VASP: variants seen among roughly 807,000 people sequenced by gnomAD.
VASP encodes the protein vasodilator stimulated phosphoprotein.
VASP carries 27 observed loss-of-function variants against 54.4 expected under a neutral mutation model. That is an observed-to-expected ratio of 0.50 (90% CI 0.37 to 0.68). The LOEUF (loss-of-function observed/expected upper bound fraction) is 0.68, where lower values mean the gene tolerates loss of function less well. Ranked by LOEUF, VASP falls within the 30% of genes least tolerant of loss-of-function variation. The pLI is 0.00. For missense variants in VASP, 488 were observed against 528.3 expected (o/e 0.92, Z 0.75); for synonymous variants, 233 against 209.8 (o/e 1.11, Z -0.96).
rs774254232 is a variant in VASP at position 45,521,361 on chromosome 19, C to G, written c.383C>G (p.Ser128Trp). The G allele has an allele frequency of 2.1e-5, 33 of 1,581,256 alleles. No individual in the cohort carries two copies. Among genetic ancestry groups the G allele is most frequent in the Non-Finnish European group, 2.6e-5 (30 of 1,163,776 alleles). ...CCACCCCCAGCACTTCCCACCTGGTCGGTCCCGAACGGCCCCTCCCCGGAG... is the reference window on the plus strand; with the variant it reads ...CCACCCCCAGCACTTCCCACCTGGTGGGTCCCGAACGGCCCCTCCCCGGAG... Reference protein sequence around the residue: ...PPPPPALPTWSVPNGPSPEEV... With the variant: ...PPPPPALPTWWVPNGPSPEEV... Residue 128 changes from serine (S) to tryptophan (W), a missense_variant, in exon 4 of 13, where the codon TCG becomes TGG. Around this residue, in one of 4 missense-constraint regions of VASP, gnomAD observed 226 missense variants for 196.0 expected, o/e 1.15. Transcript: ENST00000245932.
chr19:45,509,810 A>T (rs942643583), intron 1 of VASP, among the ~76,000 whole-genome samples: 3 of 152,210 alleles, frequency 2.0e-5, no homozygotes, highest in African/African-American at 7.2e-5. Flanking sequence ...GCTCAAAGAG[A>T]AAAAGACATG....
rs180948966 is a variant in VASP, at chr19:45,522,177, C to T, written c.438C>T (p.Pro146=). ...TCGCCTCCCCCCACAGGCAGCAGCC[C>T]GGCCCGTCGGAGCACATAGAGCGCC... ...EEVEQQKRQQ[P]GPSEHIERRV... The change falls in exon 5 of 13, where the codon CCC becomes CCT. Residue 146 remains proline (P), a synonymous_variant. Transcript: ENST00000245932. The T allele has an allele frequency of 1.2e-4, 195 of 1,613,966 alleles. No individual in the cohort carries two copies. Among genetic ancestry groups the T allele is most frequent in the Admixed American group, 1.0e-4 (6 of 60,038 alleles).
chr19:45,523,189 A>ATTTTTTTTTTTTTTTTT (rs1568390471), intron 7 of VASP, among the ~76,000 whole-genome samples: 1 of 106,970 alleles, frequency 9.3e-6, no homozygotes, highest in African/African-American at 4.0e-5. Context: ...CAATCTCTTG[A>ATTTTTTTTTTTTTTTTT]ATTTTTTTTT....
At position 45,522,493 on chromosome 19, in the gene VASP, C is replaced by A; in HGVS notation, c.632C>A (p.Pro211Gln). 6.8e-7 allele frequency: 1 copy of A among 1,467,428 alleles called. No individual in the cohort carries two copies. 90.9% of individuals were successfully genotyped at this position (1,467,428 alleles called of 1,614,324 possible). A position where few individuals can be genotyped will look rare whatever the true frequency, so the allele number is the denominator to read the frequency against. ...GGGPPPAPPL[P>Q]AAQGPGGGGA... ...GGACCACCCCCTGCACCCCCTCTCCCGGCAGCACAGGGCCCTGGTGGTGGG... is the reference window on the plus strand; with the variant it reads ...GGACCACCCCCTGCACCCCCTCTCCAGGCAGCACAGGGCCCTGGTGGTGGG... Residue 211 changes from proline to glutamine, a missense_variant, in exon 6 of 13, where the codon CCG becomes CAG. Transcript: ENST00000245932.
chr19:45,521,387 G>A lies in VASP; in HGVS notation c.409G>A (p.Glu137Lys). 1 of 1,572,828 alleles carries A rather than the reference G, an allele frequency of 6.4e-7. No individual in the cohort carries two copies. Among genetic ancestry groups the A allele is most frequent in the Non-Finnish European group, 8.6e-7 (1 of 1,159,200 alleles). ...WSVPNGPSPE[E>K]VEQQKRQQPG... ...GGTCCCGAACGGCCCCTCCCCGGAG[G>A]AGGTGGAGCAGCAGAAAAGGTGGGG... is the stretch of plus-strand genomic sequence containing the variant. The change falls in exon 4 of 13, where the codon GAG becomes AAG. Residue 137 changes from glutamate (E) to lysine (K), a missense_variant. By Grantham distance (56) the Glu-to-Lys change is moderately conservative (BLOSUM62 1). Around this residue, in one of 4 missense-constraint regions of VASP, gnomAD observed 226 missense variants for 196.0 expected, o/e 1.15. Transcript: ENST00000245932.
intron 1 of VASP, among the ~76,000 whole-genome samples, chr19:45,517,389 C>T (rs201009264): frequency 7.5e-6 from 1 of 133,126 alleles, no homozygotes; most frequent in Non-Finnish European, 1.6e-5. Context: ...TGTCTGTCTG[C>T]CTTCAGTCTG....
intron 10 of VASP, 147 bp from the exon 11 acceptor site, chr19:45,524,423 C>CAA (rs369646184): frequency 0.11 from 68,264 of 634,414 alleles, 1,362 homozygotes; most frequent in South Asian, 0.17. Flanking sequence ...AAACCAAAAC[C>CAA]AAAAAAAAAA....
At chr19:45,510,452 T>C (rs1471911513) in intron 1 of VASP, among the ~76,000 whole-genome samples, 3 of 152,048 alleles carry the variant, frequency 2.0e-5, no homozygotes, top group Admixed American at 6.6e-5. Flanking sequence ...TCTCGAACTC[T>C]TAACCTCAGG....
chr19:45,517,708 T>A lies in VASP; in HGVS notation c.51T>A (p.Asp17Glu). 1.2e-6 allele frequency: 2 copies of A among 1,612,528 alleles called. No homozygotes were observed. Residue 17 changes from aspartate to glutamate, a missense_variant, in exon 2 of 13, where the codon GAT becomes GAA. Coordinates refer to ENST00000245932, the MANE Select transcript of VASP (RefSeq NM_003370.4). ...GCCGGGCCACTGTGATGCTTTATGA[T>A]GATGGCAACAAGCGATGGCTCCCTG... ...CSSRATVMLYDDGNKRWLPAG... is the reference protein window; with the variant it reads ...CSSRATVMLYEDGNKRWLPAG...
chr19:45,517,538 G>T (rs980466000), intron 1 of VASP, 125 bp from the exon 2 acceptor site: 2 of 1,236,480 alleles, frequency 1.6e-6, no homozygotes, highest in South Asian at 2.9e-5. Flanking sequence ...TTCTGTCCAC[G>T]TGGCTCCTGC....
intron 1 of VASP, among the ~76,000 whole-genome samples, chr19:45,513,752 G>A (rs1204930523): frequency 2.0e-5 from 3 of 151,936 alleles, no homozygotes; most frequent in Admixed American, 6.6e-5. Context: ...ACAGGCATAA[G>A]CCACCACACC....
chr19:45,522,197 A>G lies in VASP; in HGVS notation c.458A>G (p.Glu153Gly). The G allele has an allele frequency of 6.2e-7, 1 of 1,614,066 alleles. No individual in the cohort carries two copies. The highest frequency in any genetic ancestry group is 8.5e-7 in the Non-Finnish European group (1 of 1,180,020). ...CAGCCCGGCCCGTCGGAGCACATAG[A>G]GCGCCGGGTCTCCAATGCAGGTGAT... ...RQQPGPSEHI[E>G]RRVSNAGGPP... Residue 153 changes from glutamate (E) to glycine (G), a missense_variant, in exon 5 of 13, where the codon GAG becomes GGG. By Grantham distance (98) the Glu-to-Gly change is moderately conservative (BLOSUM62 -2). Around this residue, in one of 4 missense-constraint regions of VASP, gnomAD observed 226 missense variants for 196.0 expected, o/e 1.15. Coordinates refer to ENST00000245932, the MANE Select transcript of VASP (RefSeq NM_003370.4).
chr19:45,522,682 G>T, intron 6 of VASP, 36 bp from the exon 7 acceptor site: 1 of 1,597,400 alleles, frequency 6.3e-7, no homozygotes, highest in Non-Finnish European at 8.5e-7. Context: ...CAAAAGGCCT[G>T]CCCCTAAAGC....
In VASP at chr19:45,526,254, C is replaced by G. The variant is rs558744171; in HGVS notation, c.*77C>G. 200 of 1,524,080 alleles carry G rather than the reference C, an allele frequency of 1.3e-4. 1 individual carries two copies. The South Asian group carries it at 2.2e-3, about 17-fold the overall frequency. 94.4% of individuals were successfully genotyped at this position (1,524,080 alleles called of 1,614,324 possible). ...CCCTGCTTTCCCTGCCTCTACTTGA[C>G]TTGGAATTGGCTGAAGACTACACAG... is the stretch of plus-strand genomic sequence containing the variant. On this transcript the variant is annotated 3_prime_UTR_variant, in exon 13 of 13. Coordinates refer to ENST00000245932, the MANE Select transcript of VASP (RefSeq NM_003370.4).
chr19:45,517,426 C>T (rs182055105), intron 1 of VASP, among the ~76,000 whole-genome samples: 1 of 151,920 alleles, frequency 6.6e-6, no homozygotes, highest in Non-Finnish European at 1.5e-5. Context: ...ACCCGACTCT[C>T]CCTTTCCCAC....
At chr19:45,519,550 A>G (rs950310610) in intron 3 of VASP, among the ~76,000 whole-genome samples, 1 of 150,934 alleles carries the variant, frequency 6.6e-6, no homozygotes, top group Non-Finnish European at 1.5e-5. Context: ...TCAGCCTCCT[A>G]AAGTGCTGGG....
intron 4 of VASP, among the ~76,000 whole-genome samples, chr19:45,521,763 G>A (rs1467695296): frequency 2.6e-5 from 4 of 152,010 alleles, no homozygotes; most frequent in Non-Finnish European, 1.5e-5. Flanking sequence ...GGTGGCGCCC[G>A]TGCCTGTAAT....
intron 3 of VASP, 31 bp from the exon 4 acceptor site, chr19:45,521,291 G>A: frequency 1.3e-6 from 2 of 1,543,858 alleles, no homozygotes; most frequent in South Asian, 2.4e-5. Flanking sequence ...TTCTGGGACT[G>A]ATCCATGGCC....
At chr19:45,515,838 G>A (rs1031737813) in intron 1 of VASP, among the ~76,000 whole-genome samples, 4 of 152,068 alleles carry the variant, frequency 2.6e-5, no homozygotes, top group African/African-American at 9.7e-5. Context: ...ACACCCGGCT[G>A]TACCAAGCCC....
Sources: gnomAD v4.1 joint callset for allele counts (sites outside exome capture counted in the v4.1 genomes callset) on GRCh38, gnomAD v4.1.1 for gene constraint, gnomAD v4.1.1 regional missense constraint, MANE v1.5 for transcripts, NCBI Gene and HGNC (gene_info 2026-07-23, HGNC 2026-07-21) for gene names.